PID1: variants seen among roughly 807,000 people sequenced by gnomAD.
The protein encoded by PID1 is PTB-containing, cubilin and LRP1-interacting protein.
A neutral mutation model predicts 19.1 loss-of-function variants in PID1; 10 were observed. The observed-to-expected ratio is 0.52, with a 90% CI of 0.32 to 0.89. The LOEUF is 0.89. Among genes scored for constraint, PID1 ranks in the 40% least tolerant of loss-of-function variants. The pLI is 0.03. For missense variants in PID1, 248 were observed against 285.3 expected (o/e 0.87, Z 0.94); for synonymous variants, 130 against 116.0 (o/e 1.12, Z -0.78).
In PID1 at chr2:229,175,262, G is replaced by A. The variant is rs568824493; in HGVS notation, c.31-19298C>T. Among the ~76,000 whole-genome samples, 18 of 152,114 alleles carry A rather than the reference G, an allele frequency of 1.2e-4. 1 individual carries two copies. The South Asian group carries it at 2.9e-3, about 25-fold the overall frequency. ...CACAAAGCTACTAAATCACACACAC[G>A]GCAAGTCCACTACAGATTCTCATAC... On this transcript the variant is annotated intron_variant, in intron 1 of 2. Coordinates refer to ENST00000392055, the MANE Select transcript of PID1 (RefSeq NM_001100818.2).
At chr2:229,041,946 T>C (rs975061490) in intron 2 of PID1, among the ~76,000 whole-genome samples, 2 of 152,228 alleles carry the variant, frequency 1.3e-5, no homozygotes, top group Non-Finnish European at 2.9e-5. Context: ...CGGGCACTCA[T>C]TTACTTTTAG....
chr2:229,159,950 GA>G (rs1690459013), intron 1 of PID1, among the ~76,000 whole-genome samples: 1 of 152,176 alleles, frequency 6.6e-6, no homozygotes, highest in South Asian at 2.1e-4. Flanking sequence ...AGTGAGATCT[GA>G]AGGTGGTTTG....
At chr2:229,246,870 G>A (rs1216361421) in intron 1 of PID1, among the ~76,000 whole-genome samples, 2 of 152,084 alleles carry the variant, frequency 1.3e-5, no homozygotes, top group Non-Finnish European at 2.9e-5. Flanking sequence ...AATCTTTTCA[G>A]ACCAATTTAG....
At chr2:229,245,728 T>A (rs1466052601) in intron 1 of PID1, among the ~76,000 whole-genome samples, 3 of 152,106 alleles carry the variant, frequency 2.0e-5, no homozygotes, top group African/African-American at 7.2e-5. Flanking sequence ...TGAGGTAGAT[T>A]TTATTAGACT....
chr2:229,040,277 G>A (rs1041905610), intron 2 of PID1, among the ~76,000 whole-genome samples: 4 of 151,784 alleles, frequency 2.6e-5, no homozygotes, highest in Admixed American at 6.6e-5. Context: ...AAAAAATCGC[G>A]GCACTGCACC....
At chr2:229,101,880 G>A (rs1355803847) in intron 2 of PID1, among the ~76,000 whole-genome samples, 3 of 151,956 alleles carry the variant, frequency 2.0e-5, no homozygotes, top group African/African-American at 7.3e-5. Context: ...CATGTTACAG[G>A]GAAGTTAACA....
rs796782980 is a variant in PID1, at chr2:229,107,908, A to G, written c.177+47910T>C. 3.9e-5 allele frequency among the ~76,000 whole-genome samples: 6 copies of G among 152,342 alleles called. 1 individual carries two copies. Among genetic ancestry groups the G allele is most frequent in the African/African-American group, 1.4e-4 (6 of 41,584 alleles). On this transcript the variant is annotated intron_variant, in intron 2 of 2. Coordinates refer to ENST00000392055, the MANE Select transcript of PID1 (RefSeq NM_001100818.2). ...TATTTGGGTGGCACATTAAAGCTTG[A>G]GAAGCTCTCATCTAAAGCATTTACG...
chr2:229,212,673 G>A (rs775687030), intron 1 of PID1, among the ~76,000 whole-genome samples: 1 of 152,176 alleles, frequency 6.6e-6, no homozygotes, highest in Non-Finnish European at 1.5e-5. Flanking sequence ...CTATCTGAAG[G>A]TTTAGAATGC....
At chr2:229,031,300 G>C (rs921716086) in intron 2 of PID1, among the ~76,000 whole-genome samples, 1 of 150,710 alleles carries the variant, frequency 6.6e-6, no homozygotes, top group East Asian at 2.0e-4. Context: ...GCTCAGGCCT[G>C]TAATCCCAGC....
chr2:229,036,788 G>A (rs1693673717), intron 2 of PID1, among the ~76,000 whole-genome samples: 2 of 152,096 alleles, frequency 1.3e-5, no homozygotes, highest in Non-Finnish European at 2.9e-5. Context: ...CCCGAAAATG[G>A]ATCTAGCTGT....
intron 2 of PID1, among the ~76,000 whole-genome samples, chr2:229,127,387 C>G (rs560788598): frequency 6.6e-6 from 1 of 152,124 alleles, no homozygotes; most frequent in African/African-American, 2.4e-5. Context: ...GCAAGATTGC[C>G]GGTTTATTTC....
At chr2:229,262,160 G>C (rs1690477017) in intron 1 of PID1, among the ~76,000 whole-genome samples, 1 of 152,140 alleles carries the variant, frequency 6.6e-6, no homozygotes, top group South Asian at 2.1e-4. Flanking sequence ...AGTTTGTTTT[G>C]AGGATAAAAT....
chr2:229,241,220 T>A (rs2106276269), intron 1 of PID1, among the ~76,000 whole-genome samples: 1 of 152,260 alleles, frequency 6.6e-6, no homozygotes, highest in Non-Finnish European at 1.5e-5. Flanking sequence ...TTTTCTCTTG[T>A]TTATGTTTCA....
intron 2 of PID1, among the ~76,000 whole-genome samples, chr2:229,121,541 G>A (rs1453875764): frequency 6.6e-6 from 1 of 152,270 alleles, no homozygotes; most frequent in South Asian, 2.1e-4. Flanking sequence ...TTGGATAAGA[G>A]TGCTCTTACA....
intron 1 of PID1, among the ~76,000 whole-genome samples, chr2:229,238,577 G>A (rs1689784238): frequency 6.6e-6 from 1 of 152,126 alleles, no homozygotes; most frequent in Non-Finnish European, 1.5e-5. Flanking sequence ...CCTTGATCAA[G>A]GTAGCTTTGG....
At position 229,025,231 on chromosome 2, in the gene PID1, A is replaced by T. The variant is rs1420874244; in HGVS notation, c.*401T>A. 5.3e-6 allele frequency: 1 copy of T among 189,290 alleles called. No individual in the cohort carries two copies. The highest frequency in any genetic ancestry group is 1.1e-5 in the Non-Finnish European group (1 of 89,232). 11.7% of individuals were successfully genotyped at this position (189,290 alleles called of 1,614,324 possible). A position where few individuals can be genotyped will look rare whatever the true frequency, so the allele number is the denominator to read the frequency against. ...CAGCACCCTGCCCACCCCACTAGAG[A>T]TCCCATAGGTGCCCCTAACATTCTT... On this transcript the variant is annotated 3_prime_UTR_variant, in exon 3 of 3. Coordinates refer to ENST00000392055, the MANE Select transcript of PID1 (RefSeq NM_001100818.2).
chr2:229,080,552 T>C (rs1239751810), intron 2 of PID1, among the ~76,000 whole-genome samples: 1 of 152,152 alleles, frequency 6.6e-6, no homozygotes, highest in Non-Finnish European at 1.5e-5. Flanking sequence ...AAATTCTGTG[T>C]TCAACCCTCA....
rs1691261636 is a variant in PID1 at position 229,191,621 on chromosome 2, C to A, written c.31-35657G>T. Among the ~76,000 whole-genome samples the A allele has an allele frequency of 4.6e-5, 7 of 152,202 alleles. 1 individual carries two copies. Among genetic ancestry groups the A allele is most frequent in the Admixed American group, 4.6e-4 (7 of 15,284 alleles). On this transcript the variant is annotated intron_variant, in intron 1 of 2. Coordinates refer to ENST00000392055, the MANE Select transcript of PID1 (RefSeq NM_001100818.2). ...TTTTCAATCCACTCACAAGTTCATT[C>A]ATGAGATTATATTTAGACATTCTTA...
intron 1 of PID1, among the ~76,000 whole-genome samples, chr2:229,231,157 C>T (rs1692198000): frequency 6.6e-6 from 1 of 151,886 alleles, no homozygotes; most frequent in Admixed American, 6.6e-5. Flanking sequence ...CTCTGTCCAC[C>T]TGGAGATGGG....
Sources: allele counts gnomAD v4.1 joint callset (sites outside exome capture counted in the v4.1 genomes callset), GRCh38; gene constraint gnomAD v4.1.1; transcripts MANE v1.5; gene names NCBI Gene and HGNC (gene_info 2026-07-23, HGNC 2026-07-21).